Variants in GTF3C2 observed in about 807,000 individuals in gnomAD.
GTF3C2 encodes the protein general transcription factor 3C polypeptide 2.
A neutral mutation model predicts 117.4 loss-of-function variants in GTF3C2; 17 were observed. That is an observed-to-expected ratio of 0.14 (90% CI 0.10 to 0.22). The LOEUF (loss-of-function observed/expected upper bound fraction) is 0.22. GTF3C2 is among the 10% of genes least tolerant of loss of function. The probability of loss-of-function intolerance (pLI) is 1.00; values close to 1 mark genes in which losing one functional copy is unlikely to be tolerated. For synonymous variants in GTF3C2, 437 were observed against 427.0 expected (o/e 1.02, Z -0.29); for missense variants, 888 against 1,143.6 (o/e 0.78, Z 3.22).
At chr2:27,327,254 G>A (rs761196731) in exon 18 of GTF3C2, 14 of 1,605,782 alleles carry the variant, frequency 8.7e-6, no homozygotes, top group Non-Finnish European at 9.4e-6. Flanking sequence ...CGCAGCATTG[G>A]TTCTCTACGG....
intron 5 of GTF3C2, 91 bp downstream of exon 5, chr2:27,337,835 G>A: frequency 1.2e-6 from 1 of 803,874 alleles, no homozygotes. Context: ...ACCCATGAGT[G>A]CTTCTCTTTC....
chr2:27,355,224 G>A (rs1681290337), intron 1 of GTF3C2, among the ~76,000 whole-genome samples: 1 of 152,092 alleles, frequency 6.6e-6, no homozygotes, highest in South Asian at 2.1e-4. Flanking sequence ...TGAATTGCCT[G>A]TACATATAAT....
chr2:27,327,273 A>G lies in GTF3C2; in HGVS notation c.2421T>C (p.His807=), dbSNP rs139405044. The G allele has an allele frequency of 9.0e-5, 142 of 1,581,306 alleles. 1 individual carries two copies. The highest frequency in any genetic ancestry group is 2.2e-5 in the Non-Finnish European group (25 of 1,152,132). ...GCATTGGTTCTCTACGGAGCAGATC[A>G]TGGAATGAACCCTGGGGAAGGGAAA... is the stretch of plus-strand genomic sequence containing the variant. The change falls in exon 18 of 19, where the codon CAT becomes CAC. Residue 807 remains histidine, a synonymous_variant. Coordinates refer to ENST00000264720, the Ensembl canonical transcript of GTF3C2.
In GTF3C2 at chr2:27,350,579, C is replaced by T. The variant is rs557165361; in HGVS notation, c.-25+6160G>A. On this transcript the variant is annotated intron_variant, in intron 1 of 18. Coordinates refer to ENST00000264720, the Ensembl canonical transcript of GTF3C2. Reference sequence around the variant, plus strand: ...CTTTGGGAGGCCAAGGTGGGAGGATCGCTTGAGGCCAGGAGTTCAAGATCA... The same window carrying T: ...CTTTGGGAGGCCAAGGTGGGAGGATTGCTTGAGGCCAGGAGTTCAAGATCA... The T allele has an allele frequency of 1.6e-3, 1,357 of 828,040 alleles. 1 individual carries two copies. Among genetic ancestry groups the T allele is most frequent in the Non-Finnish European group, 1.9e-3 (1,309 of 686,396 alleles). 51.3% of individuals were successfully genotyped at this position (828,040 alleles called of 1,614,324 possible).
intron 1 of GTF3C2, among the ~76,000 whole-genome samples, chr2:27,354,935 T>C (rs1411528634): frequency 1.3e-5 from 2 of 152,204 alleles, no homozygotes; most frequent in African/African-American, 4.8e-5. Context: ...TCTTCATTAA[T>C]TCATCAATAA....
In GTF3C2 at chr2:27,329,557, G is replaced by C. The variant is rs768035725; in HGVS notation, c.1733-34C>G. ...AGGACAGAATGTGTGAGCATTAAAA[G>C]CAAGTTCTCTCTTCCTTGCTCTAAT... is the stretch of plus-strand genomic sequence containing the variant. On this transcript the variant is annotated intron_variant, in intron 12 of 18. Transcript: ENST00000264720. The surrounding 1 kb of genome is among the most constrained non-coding windows in gnomAD (Gnocchi z 4.5). 2.7e-5 allele frequency: 44 copies of C among 1,608,964 alleles called. No homozygotes were observed. The highest frequency in any genetic ancestry group is 3.7e-5 in the Non-Finnish European group (43 of 1,176,614).
intron 10 of GTF3C2, chr2:27,335,370 G>C (rs763305171): frequency 1.0e-5 from 7 of 667,674 alleles, no homozygotes. Context: ...ACAGAAGAGG[G>C]AAGAAGGGGG....
intron 4 of GTF3C2, chr2:27,341,746 T>G: frequency 1.7e-6 from 1 of 578,028 alleles, no homozygotes; most frequent in Non-Finnish European, 3.1e-6. Flanking sequence ...ACTCAATATA[T>G]GAATGAATAA....
chr2:27,336,136 G>T, intron 8 of GTF3C2, 62 bp downstream of exon 8: 1 of 1,442,518 alleles, frequency 6.9e-7, no homozygotes, highest in Non-Finnish European at 9.8e-7. Flanking sequence ...CCCCTATCCT[G>T]TCCAGACCCC....
At chr2:27,341,891 G>T in intron 4 of GTF3C2, 57 bp downstream of exon 4, 2 of 1,419,994 alleles carry the variant, frequency 1.4e-6, no homozygotes, top group Non-Finnish European at 2.0e-6. Flanking sequence ...TCAGTACCTT[G>T]CTGGTCCCCT....
exon 3 of GTF3C2, chr2:27,343,032 T>C (rs1680791172): frequency 1.9e-6 from 3 of 1,614,138 alleles, no homozygotes; most frequent in Non-Finnish European, 2.5e-6. Context: ...CCAGTGGGGC[T>C]GATGGAGGAT....
chr2:27,350,636 C>CA (rs34264490), intron 1 of GTF3C2: 107,297 of 322,252 alleles, frequency 0.33, 21,322 homozygotes, highest in Admixed American at 0.44. Context: ...TTTGTCTCTG[C>CA]AAAAAAATTT....
At chr2:27,349,828 C>T (rs981047444) in intron 1 of GTF3C2, among the ~76,000 whole-genome samples, 5 of 151,836 alleles carry the variant, frequency 3.3e-5, no homozygotes, top group African/African-American at 9.7e-5. Context: ...TTAGTAGAGA[C>T]GGGGTCTGGC....
At chr2:27,341,784 G>A (rs568620684) in intron 4 of GTF3C2, 164 bp downstream of exon 4, 51 of 603,060 alleles carry the variant, frequency 8.5e-5, no homozygotes, top group Admixed American at 1.8e-4. Context: ...CTTCTTCTGC[G>A]CTCTCCCTAA....
At chr2:27,328,138 C>T in exon 17 of GTF3C2, 1 of 1,608,876 alleles carries the variant, frequency 6.2e-7, no homozygotes, top group Non-Finnish European at 8.5e-7. Flanking sequence ...GAAGAATGGT[C>T]TGGACCTTCA....
chr2:27,327,104 C>T (rs1324759346), intron 18 of GTF3C2, 73 bp downstream of exon 18: 2 of 822,984 alleles, frequency 2.4e-6, no homozygotes, highest in Non-Finnish European at 4.0e-6. Context: ...ACCTTTTCAT[C>T]TACCATTTCA....
rs1177911486 is a variant in GTF3C2 at position 27,356,328 on chromosome 2, C to CCAT, written c.-25+408_-25+410dup. ...GATTGACCCACAACCACTCTAGGGG[C>CCAT]CATCACCTGCCCTTCTTCAGTCCTG... is the stretch of plus-strand genomic sequence containing the variant. On this transcript the variant is annotated intron_variant, in intron 1 of 18. Coordinates refer to ENST00000264720, the Ensembl canonical transcript of GTF3C2. 4.6e-5 allele frequency: 16 copies of CCAT among 348,906 alleles called. No individual in the cohort carries two copies. The East Asian group carries it at 1.2e-3, about 26-fold the overall frequency. 21.6% of individuals were successfully genotyped at this position (348,906 alleles called of 1,614,324 possible).
intron 1 of GTF3C2, among the ~76,000 whole-genome samples, chr2:27,348,749 C>T (rs1681007954): frequency 6.6e-6 from 1 of 152,094 alleles, no homozygotes; most frequent in Non-Finnish European, 1.5e-5. Context: ...GCCAAGATCA[C>T]ACCACTGCAT....
chr2:27,330,154 A>G (rs1336114745), intron 12 of GTF3C2, among the ~76,000 whole-genome samples: 1 of 151,262 alleles, frequency 6.6e-6, no homozygotes, highest in Non-Finnish European at 1.5e-5. Context: ...AAAAAAAAAA[A>G]AAAAGCATAA....
Sources: allele counts gnomAD v4.1 joint callset (sites outside exome capture counted in the v4.1 genomes callset), GRCh38; gene constraint gnomAD v4.1.1; non-coding constraint Gnocchi (gnomAD v3.1); transcripts MANE v1.5; gene names NCBI Gene and HGNC (gene_info 2026-07-23, HGNC 2026-07-21).